The following SHB variants were observed in gnomAD, a reference collection of about 807,000 sequenced individuals.
The protein encoded by SHB is SH2 domain-containing adapter protein B.
In SHB, 20 loss-of-function variants were observed where a neutral mutation model predicts 52.3. The ratio of observed to expected loss-of-function variants is 0.38; its 90% CI spans 0.27 to 0.56. The LOEUF (loss-of-function observed/expected upper bound fraction) is 0.56. Among genes scored for constraint, SHB ranks in the 20% least tolerant of loss-of-function variants. SHB has a pLI of 0.71. For synonymous variants in SHB, 397 were observed against 316.5 expected (o/e 1.25, Z -2.70); for missense variants, 825 against 723.3 (o/e 1.14, Z -1.61).
intron 1 of SHB, among the ~76,000 whole-genome samples, chr9:38,020,573 G>A (rs558023832): frequency 4.6e-5 from 7 of 152,236 alleles, no homozygotes; most frequent in East Asian, 1.9e-4. Context: ...AAGAGGACCC[G>A]ACGTGCCATC....
chr9:38,036,036 C>T (rs113726311), intron 1 of SHB, among the ~76,000 whole-genome samples: 4 of 152,292 alleles, frequency 2.6e-5, no homozygotes, highest in Middle Eastern at 3.4e-3. Flanking sequence ...GGAAGTGACT[C>T]GCTCAAGGTC....
intron 1 of SHB, among the ~76,000 whole-genome samples, chr9:38,016,568 G>A (rs959891332): frequency 1.3e-5 from 2 of 152,238 alleles, no homozygotes; most frequent in African/African-American, 4.8e-5. Context: ...CTGAGGCACA[G>A]AAGAGTTTGT....
At chr9:38,037,013 A>C (rs1456817394) in intron 1 of SHB, among the ~76,000 whole-genome samples, 1 of 152,202 alleles carries the variant, frequency 6.6e-6, no homozygotes, top group Non-Finnish European at 1.5e-5. Flanking sequence ...AGAGACAGCA[A>C]AATAGACCCA....
chr9:38,039,167 T>C (rs1277717273), intron 1 of SHB, among the ~76,000 whole-genome samples: 1 of 152,152 alleles, frequency 6.6e-6, no homozygotes, highest in African/African-American at 2.4e-5. Flanking sequence ...ATCCTTAAGA[T>C]AAAGTGCCCT....
intron 2 of SHB, among the ~76,000 whole-genome samples, chr9:37,995,260 T>A (rs1218398441): frequency 1.3e-5 from 2 of 152,156 alleles, no homozygotes; most frequent in Non-Finnish European, 2.9e-5. Context: ...CCGCTGAGGC[T>A]CCAGCTCATC....
intron 1 of SHB, among the ~76,000 whole-genome samples, chr9:38,065,667 C>T (rs1160826888): frequency 6.6e-6 from 1 of 152,204 alleles, no homozygotes; most frequent in African/African-American, 2.4e-5. Flanking sequence ...GATCAAAGGT[C>T]TCGCAGTCAC....
At chr9:38,018,456 C>G (rs1435353725) in intron 1 of SHB, among the ~76,000 whole-genome samples, 3 of 151,132 alleles carry the variant, frequency 2.0e-5, no homozygotes, top group Non-Finnish European at 4.4e-5. Flanking sequence ...CTGGTCTCTG[C>G]TGACATATGG....
chr9:37,924,439 A>G (rs1217675235), intron 5 of SHB, among the ~76,000 whole-genome samples: 1 of 152,246 alleles, frequency 6.6e-6, no homozygotes, highest in Non-Finnish European at 1.5e-5. Context: ...GCTTCTTTTC[A>G]TGATGAAATG....
chr9:38,037,861 C>T (rs1821508942), intron 1 of SHB, among the ~76,000 whole-genome samples: 1 of 152,144 alleles, frequency 6.6e-6, no homozygotes, highest in Non-Finnish European at 1.5e-5. Flanking sequence ...GGGGGATAGC[C>T]ACAGGCTCAC....
chr9:37,941,576 G>T (rs934054684), intron 5 of SHB, among the ~76,000 whole-genome samples: 83 of 152,304 alleles, frequency 5.4e-4, no homozygotes, highest in African/African-American at 1.9e-3. Context: ...CAGTGTGGGG[G>T]TCCTGAGGCA....
At chr9:37,925,368 G>A (rs1318812804) in intron 5 of SHB, among the ~76,000 whole-genome samples, 1 of 152,358 alleles carries the variant, frequency 6.6e-6, no homozygotes, top group East Asian at 1.9e-4. Flanking sequence ...GGCAGAGTGG[G>A]AAGGACTGGG....
At chr9:37,951,147 G>A (rs542083538) in intron 4 of SHB, among the ~76,000 whole-genome samples, 12 of 152,354 alleles carry the variant, frequency 7.9e-5, no homozygotes, top group South Asian at 4.1e-4. Flanking sequence ...GGACTGGAGA[G>A]TAAATGTGAG....
chr9:37,923,619 G>A (rs1832209890), intron 5 of SHB, among the ~76,000 whole-genome samples: 1 of 152,236 alleles, frequency 6.6e-6, no homozygotes, highest in Admixed American at 6.5e-5. Flanking sequence ...AAAAGCAGCT[G>A]CCAGGAGTGG....
rs369726171 is a variant in SHB at position 37,919,841 on chromosome 9, C to A, written c.1510G>T (p.Val504Leu). The change falls in exon 6 of 6, where the codon GTG becomes TTG. Residue 504 changes from valine (V) to leucine (L), a missense_variant. Transcript: ENST00000377707. ...TCCGCTCACAGGGTCCTCACAGCCA[C>A]GGGATAGAGGAGGGACAAGTGCTCA... ...GAEHLSLLYP[V>L]AVRTL is the part of the protein sequence containing the mutation. The A allele has an allele frequency of 6.2e-7, 1 of 1,613,676 alleles. No homozygotes were observed. Among genetic ancestry groups the A allele is most frequent in the East Asian group, 2.2e-5 (1 of 44,878 alleles).
rs144397963 is a variant in SHB at position 38,067,964 on chromosome 9, C to G, written c.682G>C (p.Ala228Pro). 1 of 1,552,070 alleles carries G rather than the reference C, an allele frequency of 6.4e-7. No individual in the cohort carries two copies. Among genetic ancestry groups the G allele is most frequent in the Admixed American group, 1.8e-5 (1 of 54,268 alleles). The part of the protein sequence containing the change: ...KKLLNKCAAS[A>P]AEESGAGKKD... Reference sequence around the variant, plus strand: ...TTGCCGGCCCCGCTCTCCTCCGCGGCTGAGGCGGCGCACTTGTTGAGCAGT... The same window carrying G: ...TTGCCGGCCCCGCTCTCCTCCGCGGGTGAGGCGGCGCACTTGTTGAGCAGT... Residue 228 changes from alanine to proline, a missense_variant, in exon 1 of 6, where the codon GCC becomes CCC. Transcript: ENST00000377707.
intron 5 of SHB, among the ~76,000 whole-genome samples, chr9:37,939,256 G>A (rs953790019): frequency 1.3e-5 from 2 of 152,244 alleles, no homozygotes; most frequent in Non-Finnish European, 2.9e-5. Context: ...TGCAAATGGA[G>A]AACTTCTAAG....
intron 2 of SHB, among the ~76,000 whole-genome samples, chr9:37,975,498 T>C (rs1355285184): frequency 6.6e-6 from 1 of 152,178 alleles, no homozygotes; most frequent in Non-Finnish European, 1.5e-5. Flanking sequence ...CTCTTGATCT[T>C]CTAGAGAAGA....
intron 2 of SHB, among the ~76,000 whole-genome samples, chr9:37,989,944 A>G (rs973781269): frequency 6.6e-6 from 1 of 152,186 alleles, no homozygotes; most frequent in Admixed American, 6.5e-5. Flanking sequence ...CCACACAACC[A>G]TCCCAAGAAT....
intron 1 of SHB, among the ~76,000 whole-genome samples, chr9:38,027,014 G>C (rs1425378481): frequency 6.6e-6 from 1 of 152,220 alleles, no homozygotes; most frequent in Non-Finnish European, 1.5e-5. Context: ...TGCCAGGCAG[G>C]GTGAGTAAAT....
Sources: gnomAD v4.1 joint callset for allele counts (sites outside exome capture counted in the v4.1 genomes callset) on GRCh38, gnomAD v4.1.1 for gene constraint, MANE v1.5 for transcripts, NCBI Gene and HGNC (gene_info 2026-07-23, HGNC 2026-07-21) for gene names.